Variants in RNF40 observed in about 807,000 individuals in gnomAD.
The protein encoded by RNF40 is E3 ubiquitin-protein ligase BRE1B.
RNF40 carries 39 observed loss-of-function variants against 123.3 expected under a neutral mutation model. The ratio of observed to expected loss-of-function variants is 0.32; its 90% CI spans 0.24 to 0.41. The LOEUF (loss-of-function observed/expected upper bound fraction) is 0.41, where lower values mean the gene tolerates loss of function less well. RNF40 is among the 10% of genes least tolerant of loss of function. The probability of loss-of-function intolerance (pLI) is 1.00; values close to 1 mark genes in which losing one functional copy is unlikely to be tolerated. For synonymous variants in RNF40, 538 were observed against 526.0 expected, an observed-to-expected ratio of 1.02 and a Z score of -0.31; for missense variants, 1,003 against 1,319.9, an observed-to-expected ratio of 0.76 and a Z score of 3.72.
rs779621957 is a variant in RNF40 at position 30,768,770 on chromosome 16, A to G, written c.2097+34A>G. On this transcript the variant is annotated intron_variant, in intron 14 of 19. Transcript: ENST00000324685. The surrounding 1 kb of genome is among the most constrained non-coding windows in gnomAD (Gnocchi z 4.1). ...AGCTGGGGCTTGTGGGGCATTCAGA[A>G]AGGCAGAGCAGAGTCCTAGCTCAGC... 1.9e-6 allele frequency: 3 copies of G among 1,613,894 alleles called. No individual in the cohort carries two copies. Among genetic ancestry groups the G allele is most frequent in the South Asian group, 2.2e-5 (2 of 91,088 alleles).
rs1490640775 is a variant in RNF40 at position 30,764,837 on chromosome 16, C to T, written c.650-101C>T. The T allele has an allele frequency of 4.7e-6, 7 of 1,479,198 alleles. No homozygotes were observed. In the African/African-American group the frequency reaches 5.6e-5, roughly 12 times the overall value. The allele number at this position is 1,479,198 out of a possible 1,614,324, so 91.6% of individuals were successfully genotyped here. ...GCTTTGTCATGAGAAATGGGCAAGA[C>T]AGCTGGTGGATCACACTGGGTATAT... is the stretch of plus-strand genomic sequence containing the variant. On this transcript the variant is annotated intron_variant, in intron 5 of 19. Coordinates refer to ENST00000324685, the MANE Select transcript of RNF40 (RefSeq NM_014771.4).
intron 19 of RNF40, 144 bp downstream of exon 19, chr16:30,772,334 G>GT (rs2054162848): frequency 1.3e-6 from 1 of 749,658 alleles, no homozygotes; most frequent in African/African-American, 1.7e-5. Context: ...GTCAAATGCT[G>GT]TTTGCTGTAC....
At chr16:30,767,147 C>T (rs1451042561) in intron 11 of RNF40, among the ~76,000 whole-genome samples, 1 of 152,208 alleles carries the variant, frequency 6.6e-6, no homozygotes, top group East Asian at 1.9e-4. Flanking sequence ...CTCTCAGATA[C>T]TTGTGTTACA....
chr16:30,766,308 T>G lies in RNF40; in HGVS notation c.1113+26T>G, dbSNP rs1295536922. 1.2e-6 allele frequency: 2 copies of G among 1,613,686 alleles called. No homozygotes were observed. Among genetic ancestry groups the G allele is most frequent in the Non-Finnish European group, 1.7e-6 (2 of 1,179,872 alleles). ...GTGGGCTGCTGTAGGGGCTGAGAGGTCCTGGGCCTGTAAGGGAGGGACTGA... is the reference window on the plus strand; with the variant it reads ...GTGGGCTGCTGTAGGGGCTGAGAGGGCCTGGGCCTGTAAGGGAGGGACTGA... On this transcript the variant is annotated intron_variant, in intron 9 of 19. Transcript: ENST00000324685. The surrounding 1 kb of genome is among the most constrained non-coding windows in gnomAD (Gnocchi z 5.4).
At chr16:30,761,864 T>C, upstream of RNF40, 1 of 1,044,556 alleles carries the variant, frequency 9.6e-7, no homozygotes, top group Non-Finnish European at 1.3e-6. Flanking sequence ...CTCCGGCCAA[T>C]CTACGCGCGG....
At position 30,774,182 on chromosome 16, in the gene RNF40, C is replaced by T; in HGVS notation, c.*68C>T. On this transcript the variant is annotated 3_prime_UTR_variant, in exon 20 of 20. Coordinates refer to ENST00000324685, the MANE Select transcript of RNF40 (RefSeq NM_014771.4). ...GCTGTGCCCCCATCTCCTCCCCACCCCAGGTCTAGTGGCCCCACCCTCCAT... is the reference window on the plus strand; with the variant it reads ...GCTGTGCCCCCATCTCCTCCCCACCTCAGGTCTAGTGGCCCCACCCTCCAT... The T allele has an allele frequency of 6.7e-7, 1 of 1,500,176 alleles. No individual in the cohort carries two copies. Among genetic ancestry groups the T allele is most frequent in the Non-Finnish European group, 9.0e-7 (1 of 1,111,890 alleles). 92.9% of individuals were successfully genotyped at this position (1,500,176 alleles called of 1,614,324 possible).
rs750905301 is a variant in RNF40 at position 30,768,950 on chromosome 16, T to C, written c.2210T>C (p.Ile737Thr). 7 of 1,614,062 alleles carry C rather than the reference T, an allele frequency of 4.3e-6. No homozygotes were observed. The South Asian group carries it at 6.6e-5, about 15-fold the overall frequency. ...CGCATTCGGCAGGCAGAGGAGCAGA[T>C]AGAACACCTGCAGCGCAAGCTGGGT... ...LRRIRQAEEQIEHLQRKLGAT... is the reference protein window; with the variant it reads ...LRRIRQAEEQTEHLQRKLGAT... The change falls in exon 15 of 20, where the codon ATA becomes ACA. Residue 737 changes from isoleucine to threonine, a missense_variant. Physicochemically the swap from Ile to Thr is moderately conservative, Grantham distance 89. Around this residue, in one of 11 missense-constraint regions of RNF40, gnomAD observed 295 missense variants for 331.7 expected, o/e 0.89. Coordinates refer to ENST00000324685, the MANE Select transcript of RNF40 (RefSeq NM_014771.4). The surrounding 1 kb of genome is among the most constrained non-coding windows in gnomAD (Gnocchi z 4.1).
At chr16:30,761,697 GCTCCGA>G, upstream of RNF40, 1 of 1,534,916 alleles carries the variant, frequency 6.5e-7, no homozygotes, top group Admixed American at 2.0e-5. Context: ...AGATGTTCAA[GCTCCGA>G]CTGCACCCTC....
chr16:30,773,277 G>A (rs1158806375), intron 19 of RNF40, among the ~76,000 whole-genome samples: 1 of 152,192 alleles, frequency 6.6e-6, no homozygotes, highest in Non-Finnish European at 1.5e-5. Flanking sequence ...GTAGAGGCAG[G>A]CTTGGGAGCC....
Position 30,768,838 on chromosome 16 carries a change from G to T in RNF40, c.2098G>T (p.Val700Phe). The change falls in exon 15 of 20, where the codon GTT (valine) becomes TTT (phenylalanine). Residue 700 changes from valine to phenylalanine, a missense_variant and splice_region_variant. Physicochemically the swap from Val to Phe is conservative, Grantham distance 50. Around this residue, in one of 11 missense-constraint regions of RNF40, gnomAD observed 295 missense variants for 331.7 expected, o/e 0.89. Transcript: ENST00000324685. The surrounding 1 kb of genome is among the most constrained non-coding windows in gnomAD (Gnocchi z 4.1). ...GAGTTTCTTCTTCCCTGTGCTATAG[G>T]TTGATGAGCTGCGGAGCCGCATCCG... is the stretch of plus-strand genomic sequence containing the variant. ...MAAERKAKAE[V>F]DELRSRIREL... The T allele has an allele frequency of 6.2e-7, 1 of 1,614,228 alleles. No homozygotes were observed. Among genetic ancestry groups the T allele is most frequent in the South Asian group, 1.1e-5 (1 of 91,090 alleles).
chr16:30,762,174 A>G (rs903628374), upstream of RNF40: 2 of 315,568 alleles, frequency 6.3e-6, no homozygotes, highest in Non-Finnish European at 1.2e-5. Flanking sequence ...GGAAGAAGCC[A>G]GAGGACCCGA....
rs769646000 is a variant in RNF40 at position 30,762,377 on chromosome 16, CG to C, written c.-72+24del. 1.4e-4 allele frequency: 94 copies of C among 675,628 alleles called. No individual in the cohort carries two copies. Among genetic ancestry groups the C allele is most frequent in the Admixed American group, 2.4e-4 (6 of 25,512 alleles). The allele number at this position is 675,628 out of a possible 1,614,324, so 41.9% of individuals were successfully genotyped here. ...CTCCTGCTGGTGAGGGCTCTGGCGCCGGGGGGGACGGGATCCAGCAGGTGTG... is the reference window on the plus strand; with the variant it reads ...CTCCTGCTGGTGAGGGCTCTGGCGCCGGGGGGACGGGATCCAGCAGGTGTG... On this transcript the variant is annotated intron_variant, in intron 1 of 19. Transcript: ENST00000324685.
chr16:30,763,639 C>T, intron 4 of RNF40, 80 bp downstream of exon 4: 3 of 1,436,766 alleles, frequency 2.1e-6, no homozygotes, highest in Non-Finnish European at 2.9e-6. Context: ...GTGTTGGGCC[C>T]CTGAATTGCC....
At chr16:30,763,702 T>C in intron 4 of RNF40, 143 bp downstream of exon 4, 1 of 869,936 alleles carries the variant, frequency 1.1e-6, no homozygotes, top group Non-Finnish European at 1.8e-6. Flanking sequence ...TAAAGTGCAG[T>C]GCACAAAAAC....
intron 19 of RNF40, among the ~76,000 whole-genome samples, chr16:30,773,043 G>A (rs2054174673): frequency 6.6e-6 from 1 of 152,146 alleles, no homozygotes; most frequent in African/African-American, 2.4e-5. Flanking sequence ...GGGTTAGGAG[G>A]CCTGCGGGGG....
Position 30,763,404 on chromosome 16 carries a change from TTTTCTCC to T in RNF40, c.301-11_301-5del. 6.3e-7 allele frequency: 1 copy of T among 1,598,974 alleles called. No individual in the cohort carries two copies. The highest frequency in any genetic ancestry group is 1.1e-5 in the South Asian group (1 of 89,414). ...TAAGGGATTCATAACATTTTTGATG[TTTTCTCC>T]TTCCAGCTGGATGAAACTGTGGAAG... On this transcript the variant is annotated splice_region_variant and splice_polypyrimidine_tract_variant and intron_variant, in intron 3 of 19. Coordinates refer to ENST00000324685, the MANE Select transcript of RNF40 (RefSeq NM_014771.4).
In RNF40 at chr16:30,774,341, C is replaced by T; in HGVS notation, c.*227C>T. On this transcript the variant is annotated 3_prime_UTR_variant, in exon 20 of 20. Transcript: ENST00000324685. Reference sequence around the variant, plus strand: ...CAGAGCTGCAGCCTAGGGGGCACTGCCCTACAGAAAAGGTCTGCCTGAGAG... The same window carrying T: ...CAGAGCTGCAGCCTAGGGGGCACTGTCCTACAGAAAAGGTCTGCCTGAGAG... 1.9e-6 allele frequency: 1 copy of T among 517,602 alleles called. No individual in the cohort carries two copies. Among genetic ancestry groups the T allele is most frequent in the Non-Finnish European group, 3.4e-6 (1 of 293,440 alleles). The allele number at this position is 517,602 out of a possible 1,614,324, so 32.1% of individuals were successfully genotyped here.
chr16:30,771,817 G>T lies in RNF40; in HGVS notation c.2587-16G>T. On this transcript the variant is annotated splice_polypyrimidine_tract_variant and intron_variant, in intron 17 of 19. Coordinates refer to ENST00000324685, the MANE Select transcript of RNF40 (RefSeq NM_014771.4). Reference sequence around the variant, plus strand: ...AGGCTCAGACCAGTGCCTCCTTCCTGTTCCACCCTACTCAGGCTGTAGAAG... The same window carrying T: ...AGGCTCAGACCAGTGCCTCCTTCCTTTTCCACCCTACTCAGGCTGTAGAAG... The T allele has an allele frequency of 1.9e-6, 3 of 1,547,118 alleles. No homozygotes were observed. Among genetic ancestry groups the T allele is most frequent in the South Asian group, 2.5e-5 (2 of 80,826 alleles).
Position 30,769,007 on chromosome 16 carries a change from C to G in RNF40, c.2247+20C>G, listed in dbSNP as rs985277884. On this transcript the variant is annotated intron_variant, in intron 15 of 19. Transcript: ENST00000324685. ...AAGCAGGTGCGGCCCATGTGGTGCC[C>G]TCGCGTCGGAGCGCAGGGAGTTCCC... The G allele has an allele frequency of 6.2e-7, 1 of 1,613,642 alleles. No individual in the cohort carries two copies. The highest frequency in any genetic ancestry group is 1.3e-5 in the African/African-American group (1 of 75,052).
Sources: allele counts gnomAD v4.1 joint callset (sites outside exome capture counted in the v4.1 genomes callset), GRCh38; gene constraint gnomAD v4.1.1; regional missense constraint gnomAD v4.1.1; non-coding constraint Gnocchi (gnomAD v3.1); transcripts MANE v1.5; gene names NCBI Gene and HGNC (gene_info 2026-07-23, HGNC 2026-07-21).